PARVA: variants seen among roughly 807,000 people sequenced by gnomAD.
PARVA encodes alpha-parvin.
PARVA carries 25 observed loss-of-function variants against 52.6 expected under a neutral mutation model. That is an observed-to-expected ratio of 0.48 (90% CI 0.35 to 0.66). PARVA has a LOEUF of 0.66. PARVA is among the 30% of genes least tolerant of loss of function. The probability of loss-of-function intolerance (pLI) is 0.01; values close to 1 mark genes in which losing one functional copy is unlikely to be tolerated. For synonymous variants in PARVA, 185 were observed against 179.1 expected (o/e 1.03, Z -0.26); for missense variants, 373 against 450.9 (o/e 0.83, Z 1.56).
At chr11:12,438,983 G>A (rs1940425290) in intron 1 of PARVA, among the ~76,000 whole-genome samples, 1 of 152,162 alleles carries the variant, frequency 6.6e-6, no homozygotes, top group Non-Finnish European at 1.5e-5. Context: ...GAGGCAAAAT[G>A]GTGTTAGGGT....
intron 1 of PARVA, among the ~76,000 whole-genome samples, chr11:12,412,401 C>T (rs1168587852): frequency 1.3e-5 from 2 of 152,160 alleles, no homozygotes; most frequent in Admixed American, 1.3e-4. Flanking sequence ...TTGGGTGGGT[C>T]TTTTAAGGCC....
intron 4 of PARVA, among the ~76,000 whole-genome samples, chr11:12,488,703 G>C (rs1196546345): frequency 6.6e-6 from 1 of 152,164 alleles, no homozygotes; most frequent in African/African-American, 2.4e-5. Flanking sequence ...GTCTGCTTCA[G>C]ATAACTCCTC....
chr11:12,446,041 A>T (rs1364709336), intron 1 of PARVA, among the ~76,000 whole-genome samples: 1 of 41,038 alleles, frequency 2.4e-5, no homozygotes, highest in African/African-American at 4.9e-5. Flanking sequence ...CATTTACTTT[A>T]AAAAAAAATA....
At chr11:12,456,959 G>GTT (rs1940705738) in intron 1 of PARVA, among the ~76,000 whole-genome samples, 1 of 152,112 alleles carries the variant, frequency 6.6e-6, no homozygotes, top group Admixed American at 6.5e-5. Flanking sequence ...TGCTCACATG[G>GTT]GTAAAATGTT....
intron 8 of PARVA, among the ~76,000 whole-genome samples, chr11:12,512,129 C>G (rs1564867417): frequency 2.0e-5 from 3 of 152,276 alleles, no homozygotes; most frequent in South Asian, 4.1e-4. Flanking sequence ...GATGAGAGAC[C>G]TGTAGCCCAG....
Position 12,477,963 on chromosome 11 carries a change from G to A in PARVA, c.400+14G>A, listed in dbSNP as rs892209798. 1.2e-5 allele frequency: 16 copies of A among 1,343,140 alleles called. No homozygotes were observed. Among genetic ancestry groups the A allele is most frequent in the Non-Finnish European group, 1.6e-5 (15 of 932,398 alleles). The allele number at this position is 1,343,140 out of a possible 1,614,324, so 83.2% of individuals were successfully genotyped here. On this transcript the variant is annotated intron_variant, in intron 4 of 12. Coordinates refer to ENST00000334956, the MANE Select transcript of PARVA (RefSeq NM_018222.5). ...AGAAGCTTTTCGGTAGGAGAGTTGA[G>A]TGCTGCAATGGATGTGTGTTTAATT...
At position 12,533,672 on chromosome 11, in the gene PARVA, A is replaced by G. The variant is rs535920305; in HGVS notation, c.*5747A>G. Among the ~76,000 whole-genome samples the G allele has an allele frequency of 2.0e-5, 3 of 152,304 alleles. No individual in the cohort carries two copies. Among genetic ancestry groups the G allele is most frequent in the African/African-American group, 7.2e-5 (3 of 41,560 alleles). On this transcript the variant is annotated 3_prime_UTR_variant, in exon 13 of 13. Transcript: ENST00000334956. ...AGCTAGTATGTTATGTGCATTATAT[A>G]CTATATCCTTACCATACGGTAAGCT...
rs928681850 is a variant in PARVA, at chr11:12,529,484, T to C, written c.*1559T>C. The stretch of plus-strand genomic sequence containing the variant: ...TAATCAATTGTGCTGATATTACATC[T>C]CGTTATGGAATGTTCCTAAATATGC... On this transcript the variant is annotated 3_prime_UTR_variant, in exon 13 of 13. Transcript: ENST00000334956. 6.6e-6 allele frequency: 1 copy of C among 152,200 alleles called. No homozygotes were observed. The highest frequency in any genetic ancestry group is 6.5e-5 in the Admixed American group (1 of 15,278). The allele number at this position is 152,200 out of a possible 1,614,324, so 9.4% of individuals were successfully genotyped here.
intron 1 of PARVA, among the ~76,000 whole-genome samples, chr11:12,379,367 T>A (rs1360775344): frequency 6.6e-6 from 1 of 152,200 alleles, no homozygotes; most frequent in Non-Finnish European, 1.5e-5. Context: ...GTTGCTCTGG[T>A]TCACATGCCT....
At chr11:12,498,787 G>C (rs867001230) in intron 5 of PARVA, among the ~76,000 whole-genome samples, 1 of 151,932 alleles carries the variant, frequency 6.6e-6, no homozygotes, top group Non-Finnish European at 1.5e-5. Flanking sequence ...GGCCAGGCTG[G>C]TCTCAAAGTC....
intron 1 of PARVA, among the ~76,000 whole-genome samples, chr11:12,464,122 G>A (rs1940821972): frequency 6.6e-6 from 1 of 151,886 alleles, no homozygotes; most frequent in Non-Finnish European, 1.5e-5. Context: ...CGAACATCTG[G>A]GCTCTATGTA....
intron 1 of PARVA, among the ~76,000 whole-genome samples, chr11:12,394,737 T>C (rs1257043835): frequency 6.6e-6 from 1 of 152,184 alleles, no homozygotes; most frequent in Non-Finnish European, 1.5e-5. Context: ...GACCCCTGTG[T>C]ATACCCAGAT....
intron 4 of PARVA, among the ~76,000 whole-genome samples, chr11:12,483,088 C>T (rs1941110016): frequency 6.6e-6 from 1 of 152,184 alleles, no homozygotes; most frequent in Non-Finnish European, 1.5e-5. Flanking sequence ...GGCCACATGC[C>T]CCTTGCTCAC....
intron 1 of PARVA, among the ~76,000 whole-genome samples, chr11:12,453,196 T>C (rs1940648058): frequency 6.6e-6 from 1 of 152,024 alleles, no homozygotes; most frequent in Non-Finnish European, 1.5e-5. Flanking sequence ...ACCTGCCTTA[T>C]TGTGGCTCTG....
At chr11:12,409,709 C>A (rs1399884711) in intron 1 of PARVA, among the ~76,000 whole-genome samples, 1 of 152,234 alleles carries the variant, frequency 6.6e-6, no homozygotes, top group African/African-American at 2.4e-5. Flanking sequence ...GAACGGAATG[C>A]AGCCCTGCCA....
At chr11:12,448,105 C>T (rs963382252) in intron 1 of PARVA, among the ~76,000 whole-genome samples, 2 of 152,180 alleles carry the variant, frequency 1.3e-5, no homozygotes, top group Admixed American at 6.5e-5. Context: ...AATTGAATCA[C>T]GTGCAGGGCT....
At chr11:12,387,513 T>C (rs866921677) in intron 1 of PARVA, among the ~76,000 whole-genome samples, 15 of 152,042 alleles carry the variant, frequency 9.9e-5, no homozygotes, top group African/African-American at 3.6e-4. Context: ...CTTGGATGAC[T>C]CTTCCAGTCC....
chr11:12,377,890 C>A, intron 1 of PARVA, 107 bp downstream of exon 1: 1 of 588,388 alleles, frequency 1.7e-6, no homozygotes, highest in Non-Finnish European at 2.4e-6. Flanking sequence ...GGGTGCCCGG[C>A]GCGGTGGGGC....
At chr11:12,489,815 T>C (rs986316301) in intron 4 of PARVA, among the ~76,000 whole-genome samples, 2 of 152,222 alleles carry the variant, frequency 1.3e-5, no homozygotes, top group Non-Finnish European at 2.9e-5. Flanking sequence ...AAGATATTAA[T>C]ACTGAAGATA....
Sources: gnomAD v4.1 joint callset for allele counts (sites outside exome capture counted in the v4.1 genomes callset) on GRCh38, gnomAD v4.1.1 for gene constraint, MANE v1.5 for transcripts, NCBI Gene and HGNC (gene_info 2026-07-23, HGNC 2026-07-21) for gene names.